Variants in ANGPT1 observed in about 807,000 individuals in gnomAD.
ANGPT1 encodes angiopoietin 1, also known as angiopoietin-1.
In ANGPT1, 17 loss-of-function variants were observed where a neutral mutation model predicts 62.2. That is an observed-to-expected ratio of 0.27 (90% CI 0.19 to 0.41). The LOEUF (loss-of-function observed/expected upper bound fraction) is 0.41, where lower values mean the gene tolerates loss of function less well. Among genes scored for constraint, ANGPT1 ranks in the 10% least tolerant of loss-of-function variants. The probability of loss-of-function intolerance (pLI) is 1.00; values close to 1 mark genes in which losing one functional copy is unlikely to be tolerated. For missense variants in ANGPT1, 478 were observed against 594.9 expected (o/e 0.80, Z 2.04); for synonymous variants, 199 against 198.9 (o/e 1.00, Z 0.00).
At chr8:107,380,451 A>G (rs1225401617) in intron 1 of ANGPT1, among the ~76,000 whole-genome samples, 1 of 151,800 alleles carries the variant, frequency 6.6e-6, no homozygotes, top group Non-Finnish European at 1.5e-5. Flanking sequence ...GACAAAATAC[A>G]TATACTATGC....
chr8:107,350,784 A>T (rs1815915564), intron 1 of ANGPT1, among the ~76,000 whole-genome samples: 1 of 152,108 alleles, frequency 6.6e-6, no homozygotes, highest in Non-Finnish European at 1.5e-5. Flanking sequence ...TTAAGTAGCA[A>T]GAACCAGATG....
rs919377468 is a variant in ANGPT1 at position 107,250,536 on chromosome 8, T to C, written c.*1319A>G. On this transcript the variant is annotated 3_prime_UTR_variant, in exon 9 of 9. Coordinates refer to ENST00000517746, the MANE Select transcript of ANGPT1 (RefSeq NM_001146.5). Reference sequence around the variant, plus strand: ...AAGGGAATGGACTGAAGGAGAAATATATGAAGAATGATGTATTTCATTAAG... The same window carrying C: ...AAGGGAATGGACTGAAGGAGAAATACATGAAGAATGATGTATTTCATTAAG... 2 of 152,148 alleles carry C rather than the reference T, an allele frequency of 1.3e-5. No homozygotes were observed. The highest frequency in any genetic ancestry group is 4.8e-5 in the African/African-American group (2 of 41,442). The allele number at this position is 152,148 out of a possible 1,614,324, so 9.4% of individuals were successfully genotyped here.
At chr8:107,458,054 G>C (rs1346986019) in intron 1 of ANGPT1, among the ~76,000 whole-genome samples, 1 of 152,044 alleles carries the variant, frequency 6.6e-6, no homozygotes, top group Non-Finnish European at 1.5e-5. Flanking sequence ...TCAGTTTCAA[G>C]TTTCTGAAAC....
chr8:107,362,655 G>T (rs1816189555), intron 1 of ANGPT1, among the ~76,000 whole-genome samples: 1 of 152,084 alleles, frequency 6.6e-6, no homozygotes, highest in Admixed American at 6.6e-5. Context: ...ACTTCTTAAA[G>T]CCAAGGGTTC....
chr8:107,339,029 A>G (rs1420560003), intron 2 of ANGPT1, among the ~76,000 whole-genome samples: 1 of 152,220 alleles, frequency 6.6e-6, no homozygotes, highest in Non-Finnish European at 1.5e-5. Context: ...TGACATTCTC[A>G]GACACCAAAA....
intron 8 of ANGPT1, among the ~76,000 whole-genome samples, chr8:107,258,295 T>C (rs1813416730): frequency 1.3e-5 from 2 of 152,166 alleles, no homozygotes; most frequent in Admixed American, 1.3e-4. Context: ...CTGTGACCTA[T>C]GGCAAATTAT....
chr8:107,253,596 A>G, intron 8 of ANGPT1, among the ~76,000 whole-genome samples: 1 of 152,194 alleles, frequency 6.6e-6, no homozygotes, highest in East Asian at 1.9e-4. Context: ...TCAAGCAAAC[A>G]CACTTACTCT....
At chr8:107,432,778 T>A (rs1399232869) in intron 1 of ANGPT1, among the ~76,000 whole-genome samples, 1 of 152,208 alleles carries the variant, frequency 6.6e-6, no homozygotes, top group African/African-American at 2.4e-5. Context: ...AAGGATTTAT[T>A]TCAAAGGATA....
intron 1 of ANGPT1, among the ~76,000 whole-genome samples, chr8:107,353,686 A>AC (rs1222417186): frequency 6.6e-6 from 1 of 151,800 alleles, no homozygotes; most frequent in African/African-American, 2.4e-5. Context: ...CAGGCTTATC[A>AC]CCCCCTGTGT....
chr8:107,374,361 G>A (rs1315554312), intron 1 of ANGPT1, among the ~76,000 whole-genome samples: 1 of 152,114 alleles, frequency 6.6e-6, no homozygotes, highest in Non-Finnish European at 1.5e-5. Context: ...TTACACAATG[G>A]CAGTTCTCAT....
At chr8:107,380,143 T>A (rs1816606721) in intron 1 of ANGPT1, among the ~76,000 whole-genome samples, 1 of 151,774 alleles carries the variant, frequency 6.6e-6, no homozygotes, top group Admixed American at 6.6e-5. Context: ...AGAGGAAAAA[T>A]TACTAGGAAA....
At chr8:107,447,654 C>G (rs1811655108) in intron 1 of ANGPT1, among the ~76,000 whole-genome samples, 1 of 152,196 alleles carries the variant, frequency 6.6e-6, no homozygotes, top group South Asian at 2.1e-4. Flanking sequence ...CAGGTCATGA[C>G]ACATATACAG....
intron 8 of ANGPT1, among the ~76,000 whole-genome samples, chr8:107,261,328 G>T (rs1383900444): frequency 6.6e-6 from 1 of 152,028 alleles, no homozygotes; most frequent in Non-Finnish European, 1.5e-5. Context: ...GGCTGAGGGA[G>T]GAGTCATAAA....
chr8:107,333,894 G>C (rs78252196), intron 3 of ANGPT1, among the ~76,000 whole-genome samples: 2,628 of 148,714 alleles, frequency 0.018, 54 homozygotes, highest in Non-Finnish European at 0.024. Context: ...AATTAAGGTA[G>C]AAAGGATACA....
At chr8:107,342,879 A>G (rs1355746823) in intron 2 of ANGPT1, among the ~76,000 whole-genome samples, 1 of 151,620 alleles carries the variant, frequency 6.6e-6, no homozygotes, top group Non-Finnish European at 1.5e-5. Context: ...TCTGTCAACC[A>G]TGCTGGAGTG....
chr8:107,280,383 A>C (rs1813976172), intron 7 of ANGPT1, among the ~76,000 whole-genome samples: 1 of 151,778 alleles, frequency 6.6e-6, no homozygotes, highest in African/African-American at 2.4e-5. Context: ...CTTTAACTAC[A>C]AACAGTGCCT....
At chr8:107,479,785 A>G (rs1191789845) in intron 1 of ANGPT1, among the ~76,000 whole-genome samples, 2 of 152,200 alleles carry the variant, frequency 1.3e-5, no homozygotes, top group African/African-American at 4.8e-5. Context: ...TAAACTATAT[A>G]GCACTTCAAT....
intron 1 of ANGPT1, among the ~76,000 whole-genome samples, chr8:107,494,266 T>C (rs1813036594): frequency 6.6e-6 from 1 of 152,142 alleles, no homozygotes; most frequent in Admixed American, 6.5e-5. Context: ...CAGAAAACAA[T>C]AGTTCACAAA....
Position 107,497,377 on chromosome 8 carries a change from T to C in ANGPT1, c.182A>G (p.Gln61Arg), listed in dbSNP as rs1366536097. The C allele has an allele frequency of 6.2e-7, 1 of 1,614,224 alleles. No homozygotes were observed. The highest frequency in any genetic ancestry group is 1.7e-5 in the Admixed American group (1 of 60,026). The change falls in exon 1 of 9, where the codon CAG becomes CGG. Residue 61 changes from glutamine to arginine, a missense_variant. Physicochemically the swap from Gln to Arg is conservative, Grantham distance 43. This residue lies in a region of ANGPT1 where 343 missense variants were observed against 355.4 expected (regional missense o/e 0.97). Transcript: ENST00000517746. Reference protein sequence around the residue: ...DGNCRESTTDQYNTNALQRDA... With the variant: ...DGNCRESTTDRYNTNALQRDA... Reference sequence around the variant, plus strand: ...TCTCTGCAGAGCGTTTGTGTTGTACTGGTCTGTCGTACTCTCACGACAGTT... The same window carrying C: ...TCTCTGCAGAGCGTTTGTGTTGTACCGGTCTGTCGTACTCTCACGACAGTT...
Sources: gnomAD v4.1 joint callset for allele counts (sites outside exome capture counted in the v4.1 genomes callset) on GRCh38, gnomAD v4.1.1 for gene constraint, gnomAD v4.1.1 regional missense constraint, MANE v1.5 for transcripts, NCBI Gene and HGNC (gene_info 2026-07-23, HGNC 2026-07-21) for gene names.